The following RAB3D variants were observed in gnomAD, a reference collection of about 807,000 sequenced individuals.
RAB3D encodes ras-related protein Rab-3D.
Under a neutral mutation model 19.3 loss-of-function variants are expected in RAB3D, and 17 were observed. The observed-to-expected ratio is 0.88, with a 90% CI of 0.60 to 1.32. The LOEUF (loss-of-function observed/expected upper bound fraction) is 1.32, where lower values mean the gene tolerates loss of function less well. RAB3D is among the 40% of genes most tolerant of loss of function. RAB3D has a pLI of 0.00. For missense variants in RAB3D, 223 were observed against 299.1 expected, an observed-to-expected ratio of 0.75 and a Z score of 1.88; for synonymous variants, 103 against 119.9, an observed-to-expected ratio of 0.86 and a Z score of 0.92.
At position 11,325,216 on chromosome 19, in the gene RAB3D, G is replaced by T. The variant is rs943344908; in HGVS notation, c.*182C>A. 28 of 559,658 alleles carry T rather than the reference G, an allele frequency of 5.0e-5. No individual in the cohort carries two copies. Among genetic ancestry groups the T allele is most frequent in the South Asian group, 1.5e-4 (7 of 46,650 alleles). 34.7% of individuals were successfully genotyped at this position (559,658 alleles called of 1,614,324 possible). A position where few individuals can be genotyped will look rare whatever the true frequency, so the allele number is the denominator to read the frequency against. On this transcript the variant is annotated 3_prime_UTR_variant, in exon 5 of 5. Coordinates refer to ENST00000222120, the MANE Select transcript of RAB3D (RefSeq NM_004283.4). ...CCATGGTCCGCAGCCTCCCACCGGG[G>T]CTGCCTGAGGAACCTGGCAGCCACG...
At position 11,337,242 on chromosome 19, in the gene RAB3D, C is replaced by T; in HGVS notation, c.158G>A (p.Ser53Asn). The change falls in exon 2 of 5, where the codon AGT (serine) becomes AAT (asparagine). Residue 53 changes from serine (S) to asparagine (N), a missense_variant. Physicochemically the swap from Ser to Asn is conservative, Grantham distance 46. Transcript: ENST00000222120. ...ADDSFTPAFVSTVGIDFKVKT... is the reference protein window; with the variant it reads ...ADDSFTPAFVNTVGIDFKVKT... ...GACCTTGAAATCGATGCCCACAGTA[C>T]TGACGAAGGCGGGAGTGAAGGAGTC... The T allele has an allele frequency of 1.2e-6, 2 of 1,614,122 alleles. No individual in the cohort carries two copies. Among genetic ancestry groups the T allele is most frequent in the Non-Finnish European group, 1.7e-6 (2 of 1,180,016 alleles).
At chr19:11,327,760 C>T (rs1349810687) in intron 4 of RAB3D, among the ~76,000 whole-genome samples, 1 of 152,016 alleles carries the variant, frequency 6.6e-6, no homozygotes, top group African/African-American at 2.4e-5. Flanking sequence ...ACTCAGGAGG[C>T]CAAGGCAGGA....
chr19:11,339,100 C>A (rs1253897649), intron 1 of RAB3D, among the ~76,000 whole-genome samples: 1 of 152,218 alleles, frequency 6.6e-6, no homozygotes, highest in Non-Finnish European at 1.5e-5. Flanking sequence ...GGAAACCTTT[C>A]CCCACGCAGG....
Position 11,337,461 on chromosome 19 carries a change from CT to C in RAB3D, c.-61-2del. ...TCCTCAGGGAGAGGAGACGGGCGTC[CT>C]GCAGGGGAATCAAACATCAAGAACA... On this transcript the variant is annotated splice_acceptor_variant, in intron 1 of 4. Coordinates refer to ENST00000222120, the MANE Select transcript of RAB3D (RefSeq NM_004283.4). LOFTEE classifies it low-confidence loss of function (5UTR_SPLICE). The C allele has an allele frequency of 7.4e-7, 1 of 1,359,970 alleles. No individual in the cohort carries two copies. The highest frequency in any genetic ancestry group is 1.4e-5 in the African/African-American group (1 of 69,830). The allele number at this position is 1,359,970 out of a possible 1,614,324, so 84.2% of individuals were successfully genotyped here.
chr19:11,322,354 GA>G lies in RAB3D; in HGVS notation c.*3043del, dbSNP rs111894199. 1.0e-3 allele frequency: 139 copies of G among 138,760 alleles called. No homozygotes were observed. Among genetic ancestry groups the G allele is most frequent in the Middle Eastern group, 7.2e-3 (2 of 278 alleles). The allele number at this position is 138,760 out of a possible 1,614,324, so 8.6% of individuals were successfully genotyped here. A position where few individuals can be genotyped will look rare whatever the true frequency, so the allele number is the denominator to read the frequency against. On this transcript the variant is annotated 3_prime_UTR_variant, in exon 5 of 5. Coordinates refer to ENST00000222120, the MANE Select transcript of RAB3D (RefSeq NM_004283.4). ...CCCCCAGTCCCCCGAAAAAGAAGAA[GA>G]AAAAAAAAAAGCAGAACTCCAAACC...
intron 1 of RAB3D, among the ~76,000 whole-genome samples, chr19:11,337,891 T>G (rs1966912055): frequency 6.6e-6 from 1 of 152,128 alleles, no homozygotes; most frequent in Non-Finnish European, 1.5e-5. Flanking sequence ...CATGCTGGTT[T>G]CAAACTCCTC....
intron 4 of RAB3D, 86 bp from the exon 5 acceptor site, chr19:11,325,671 C>G: frequency 7.7e-7 from 1 of 1,301,460 alleles, no homozygotes; most frequent in African/African-American, 1.5e-5. Context: ...GGCTTCTAAG[C>G]CTAGTTCTGC....
chr19:11,326,019 A>G (rs2080810758), intron 4 of RAB3D, among the ~76,000 whole-genome samples: 1 of 152,044 alleles, frequency 6.6e-6, no homozygotes, highest in Non-Finnish European at 1.5e-5. Flanking sequence ...TCAGGAGTTC[A>G]AGACCCGCCT....
intron 2 of RAB3D, 36 bp from the exon 3 acceptor site, chr19:11,335,819 C>T: frequency 6.3e-7 from 1 of 1,577,086 alleles, no homozygotes; most frequent in Non-Finnish European, 8.7e-7. Flanking sequence ...CTGGGAACTA[C>T]CTGTTTCCCA....
chr19:11,327,022 C>T, intron 4 of RAB3D: 1 of 474,876 alleles, frequency 2.1e-6, no homozygotes, highest in Non-Finnish European at 3.7e-6. Context: ...AGACAAACGC[C>T]TGCCACGTTA....
rs1568299025 is a variant in RAB3D at position 11,325,636 on chromosome 19, C to G, written c.473-51G>C. 5 of 1,520,372 alleles carry G rather than the reference C, an allele frequency of 3.3e-6. No homozygotes were observed. In the African/African-American group the frequency reaches 4.1e-5, roughly 12 times the overall value. The allele number at this position is 1,520,372 out of a possible 1,614,324, so 94.2% of individuals were successfully genotyped here. On this transcript the variant is annotated intron_variant, in intron 4 of 4. Transcript: ENST00000222120. ...CTCGTAAGACCCCTGAGGGCAGAGTCTCAGCTGTGGCATCACAGAAACCTG... is the reference window on the plus strand; with the variant it reads ...CTCGTAAGACCCCTGAGGGCAGAGTGTCAGCTGTGGCATCACAGAAACCTG...
Position 11,339,584 on chromosome 19 carries a change from G to A in RAB3D, c.-177C>T, listed in dbSNP as rs184088638. 7.7e-4 allele frequency: 117 copies of A among 152,508 alleles called. 2 individuals are homozygous for A. The East Asian group carries it at 0.021, about 27-fold the overall frequency. 9.4% of individuals were successfully genotyped at this position (152,508 alleles called of 1,614,324 possible). On this transcript the variant is annotated 5_prime_UTR_variant, in exon 1 of 5. Transcript: ENST00000222120. ...AACTCGCTGCGGCTTGGCCCTGGCC[G>A]CGACCCCGACCCCGCAGCCGCAGAA...
chr19:11,337,632 G>A (rs1223584639), intron 1 of RAB3D, among the ~76,000 whole-genome samples, 172 bp from the exon 2 acceptor site: 2 of 151,888 alleles, frequency 1.3e-5, no homozygotes, highest in African/African-American at 4.8e-5. Context: ...CTTCCTGAAA[G>A]AGTAGTTGGT....
chr19:11,334,096 G>T (rs2080844036), intron 4 of RAB3D, among the ~76,000 whole-genome samples: 1 of 152,174 alleles, frequency 6.6e-6, no homozygotes, highest in African/African-American at 2.4e-5. Flanking sequence ...AGACTGTATG[G>T]CCAAAAATAT....
At position 11,325,592 on chromosome 19, in the gene RAB3D, G is replaced by A. The variant is rs761435736; in HGVS notation, c.473-7C>T. ...GCTTCAAAGAACTCGAAACCTGGAT[G>A]AATGTTAAGGTGGGGACACTCGTAA... is the stretch of plus-strand genomic sequence containing the variant. On this transcript the variant is annotated splice_region_variant and splice_polypyrimidine_tract_variant and intron_variant, in intron 4 of 4. Transcript: ENST00000222120. 1 of 1,589,636 alleles carries A rather than the reference G, an allele frequency of 6.3e-7. No homozygotes were observed. The highest frequency in any genetic ancestry group is 1.1e-5 in the South Asian group (1 of 90,178).
chr19:11,336,901 C>T (rs997025395), intron 2 of RAB3D, among the ~76,000 whole-genome samples: 3 of 149,366 alleles, frequency 2.0e-5, no homozygotes, highest in South Asian at 2.1e-4. Flanking sequence ...ACCCAGGAGA[C>T]GGAGGTTGCA....
At chr19:11,326,473 G>C (rs1415065010) in intron 4 of RAB3D, among the ~76,000 whole-genome samples, 1 of 152,206 alleles carries the variant, frequency 6.6e-6, no homozygotes, top group Non-Finnish European at 1.5e-5. Context: ...CAAGAGTATA[G>C]GTGGGAGGGT....
intron 1 of RAB3D, 130 bp from the exon 2 acceptor site, chr19:11,337,590 T>C: frequency 7.2e-6 from 4 of 555,894 alleles, no homozygotes; most frequent in Non-Finnish European, 1.3e-5. Flanking sequence ...CTCAGTGTCC[T>C]CTTCTAAAAA....
chr19:11,338,625 A>G (rs73922646), intron 1 of RAB3D, among the ~76,000 whole-genome samples: 19,058 of 152,118 alleles, frequency 0.13, 2,813 homozygotes, highest in African/African-American at 0.36. Context: ...CAAAGGGGCC[A>G]GGCCTGTCTC....
Sources: gnomAD v4.1 joint callset for allele counts (sites outside exome capture counted in the v4.1 genomes callset) on GRCh38, gnomAD v4.1.1 for gene constraint, MANE v1.5 for transcripts, NCBI Gene and HGNC (gene_info 2026-07-23, HGNC 2026-07-21) for gene names.